Variants in FHOD3 observed in about 807,000 individuals in gnomAD.
FHOD3 encodes the protein formin homology 2 domain containing 3.
FHOD3 carries 90 observed loss-of-function variants against 173.0 expected under a neutral mutation model. That is an observed-to-expected ratio of 0.52 (90% CI 0.44 to 0.62). The LOEUF is 0.62. Among genes scored for constraint, FHOD3 ranks in the 20% least tolerant of loss-of-function variants. The pLI is 0.00. For missense variants in FHOD3, 1,945 were observed against 2,034.7 expected (o/e 0.96, Z 0.85); for synonymous variants, 828 against 823.0 (o/e 1.01, Z -0.10).
chr18:36,682,604 A>C (rs578108320), intron 15 of FHOD3, among the ~76,000 whole-genome samples: 1 of 152,002 alleles, frequency 6.6e-6, no homozygotes, highest in Non-Finnish European at 1.5e-5. Context: ...GTTTTTTGAG[A>C]CAGAGTCTCA....
In FHOD3 at chr18:36,760,811, T is replaced by G. The variant is rs367741499; in HGVS notation, c.4624+29T>G. 47 of 1,583,642 alleles carry G rather than the reference T, an allele frequency of 3.0e-5. No individual in the cohort carries two copies. The African/African-American group carries it at 6.1e-4, about 20-fold the overall frequency. ...ACTCCTGGCTGCGCGGGGCTCGTCT[T>G]GTCTTCTCAGGTTGGCCGCTCTGGG... is the stretch of plus-strand genomic sequence containing the variant. On this transcript the variant is annotated intron_variant, in intron 27 of 28. Coordinates refer to ENST00000590592, the MANE Select transcript of FHOD3 (RefSeq NM_001281740.3).
At chr18:36,531,896 A>G (rs2056797771) in intron 5 of FHOD3, among the ~76,000 whole-genome samples, 1 of 151,462 alleles carries the variant, frequency 6.6e-6, no homozygotes, top group Non-Finnish European at 1.5e-5. Context: ...AGTCTCCCCA[A>G]CTCTCTCCTG....
intron 14 of FHOD3, among the ~76,000 whole-genome samples, chr18:36,676,889 A>G (rs1299144983): frequency 1.3e-5 from 2 of 152,152 alleles, no homozygotes; most frequent in Non-Finnish European, 2.9e-5. Flanking sequence ...TTCTTTTTGT[A>G]CAATGTATAC....
At chr18:36,535,062 C>G (rs2056940024) in intron 5 of FHOD3, among the ~76,000 whole-genome samples, 1 of 152,148 alleles carries the variant, frequency 6.6e-6, no homozygotes, top group South Asian at 2.1e-4. Context: ...CCACCCCATC[C>G]CAGGAAATAC....
chr18:36,354,113 G>T (rs1183756850), intron 1 of FHOD3, among the ~76,000 whole-genome samples: 1 of 152,218 alleles, frequency 6.6e-6, no homozygotes, highest in Non-Finnish European at 1.5e-5. Context: ...GGGAGAAAAG[G>T]GAATGGTGTT....
At chr18:36,507,309 A>T (rs1245325636) in intron 4 of FHOD3, among the ~76,000 whole-genome samples, 1 of 152,256 alleles carries the variant, frequency 6.6e-6, no homozygotes, top group African/African-American at 2.4e-5. Flanking sequence ...AAACTATTGT[A>T]TAAAATTACC....
chr18:36,737,591 T>G (rs2041701478), intron 20 of FHOD3, among the ~76,000 whole-genome samples: 1 of 152,100 alleles, frequency 6.6e-6, no homozygotes, highest in African/African-American at 2.4e-5. Context: ...AAGGGAAAGT[T>G]GGGAAGGGAG....
intron 27 of FHOD3, among the ~76,000 whole-genome samples, chr18:36,764,600 G>A (rs2150326547): frequency 6.6e-6 from 1 of 152,150 alleles, no homozygotes; most frequent in South Asian, 2.1e-4. Context: ...AACATAAATA[G>A]GTTGTACCAA....
At chr18:36,588,546 A>G (rs954498360) in intron 6 of FHOD3, among the ~76,000 whole-genome samples, 5 of 152,212 alleles carry the variant, frequency 3.3e-5, no homozygotes, top group South Asian at 2.1e-4. Flanking sequence ...TGTAATTTCA[A>G]TCTTGAGGTT....
At chr18:36,594,278 GC>G (rs2029917204) in intron 6 of FHOD3, among the ~76,000 whole-genome samples, 1 of 152,016 alleles carries the variant, frequency 6.6e-6, no homozygotes, top group Non-Finnish European at 1.5e-5. Flanking sequence ...GCTCCAGGCG[GC>G]CTTCTCTGCT....
intron 5 of FHOD3, among the ~76,000 whole-genome samples, chr18:36,571,426 T>G (rs1313147529): frequency 6.6e-6 from 1 of 152,208 alleles, no homozygotes; most frequent in Non-Finnish European, 1.5e-5. Flanking sequence ...GGTTAGAAGA[T>G]TCAGCAGAGT....
intron 28 of FHOD3, among the ~76,000 whole-genome samples, chr18:36,771,348 T>C (rs1450725809): frequency 6.6e-6 from 1 of 152,216 alleles, no homozygotes; most frequent in Non-Finnish European, 1.5e-5. Flanking sequence ...TGCATCTCAG[T>C]TGCTCTAGGC....
intron 5 of FHOD3, among the ~76,000 whole-genome samples, chr18:36,548,935 A>C (rs2057526983): frequency 6.6e-6 from 1 of 152,204 alleles, no homozygotes. Flanking sequence ...CTCTGTGGTA[A>C]ATACCTAAAA....
intron 3 of FHOD3, among the ~76,000 whole-genome samples, chr18:36,440,743 T>C (rs892772041): frequency 3.3e-5 from 5 of 152,246 alleles, no homozygotes; most frequent in Admixed American, 2.6e-4. Flanking sequence ...TCTCCCCACA[T>C]AATCAACATA....
At chr18:36,647,222 C>T (rs139351309) in intron 10 of FHOD3, among the ~76,000 whole-genome samples, 44 of 152,280 alleles carry the variant, frequency 2.9e-4, no homozygotes, top group African/African-American at 8.9e-4. Context: ...GCCTGGGCAA[C>T]AAGAGCAAAA....
chr18:36,549,959 T>C (rs1426508621), intron 5 of FHOD3, among the ~76,000 whole-genome samples: 6 of 151,896 alleles, frequency 4.0e-5, no homozygotes, highest in African/African-American at 1.5e-4. Context: ...GTGATCTATT[T>C]TGAGTTAATC....
At chr18:36,647,613 A>G (rs2035779299) in intron 10 of FHOD3, among the ~76,000 whole-genome samples, 1 of 152,226 alleles carries the variant, frequency 6.6e-6, no homozygotes, top group African/African-American at 2.4e-5. Flanking sequence ...ACACAGTAAT[A>G]TATACATATG....
At chr18:36,408,833 G>A (rs2049199519) in intron 3 of FHOD3, among the ~76,000 whole-genome samples, 1 of 152,192 alleles carries the variant, frequency 6.6e-6, no homozygotes, top group South Asian at 2.1e-4. Context: ...AGGAGCAGAT[G>A]GGCCGCATGA....
intron 8 of FHOD3, among the ~76,000 whole-genome samples, chr18:36,603,304 T>C (rs988390338): frequency 6.6e-6 from 1 of 152,058 alleles, no homozygotes; most frequent in African/African-American, 2.4e-5. Context: ...GAACCACAGC[T>C]GCAGTGTGCA....
Sources: gnomAD v4.1 joint callset for allele counts (sites outside exome capture counted in the v4.1 genomes callset) on GRCh38, gnomAD v4.1.1 for gene constraint, MANE v1.5 for transcripts, NCBI Gene and HGNC (gene_info 2026-07-23, HGNC 2026-07-21) for gene names.